The following ASTN2 variants were observed in gnomAD, a reference collection of about 807,000 sequenced individuals.
The protein encoded by ASTN2 is astrotactin-2.
ASTN2 carries 54 observed loss-of-function variants against 139.8 expected under a neutral mutation model. The observed-to-expected ratio is 0.39, with a 90% CI of 0.31 to 0.48. The LOEUF is 0.48. Among genes scored for constraint, ASTN2 ranks in the 20% least tolerant of loss-of-function variants. The probability of loss-of-function intolerance (pLI) is 0.95; values close to 1 mark genes in which losing one functional copy is unlikely to be tolerated. For synonymous variants in ASTN2, 756 were observed against 719.5 expected, an observed-to-expected ratio of 1.05 and a Z score of -0.81; for missense variants, 1,565 against 1,725.1, an observed-to-expected ratio of 0.91 and a Z score of 1.64.
At position 117,263,631 on chromosome 9, in the gene ASTN2, G is replaced by A. The variant is rs543947952; in HGVS notation, c.630+27695C>T. ...CCTTGGGAGATACTCGGGAATTGAA[G>A]TAGTGATCCTCATCAAGATCCTCAA... On this transcript the variant is annotated intron_variant, in intron 2 of 22. Transcript: ENST00000313400. 3.3e-4 allele frequency among the ~76,000 whole-genome samples: 51 copies of A among 152,312 alleles called. No homozygotes were observed. In the South Asian group the frequency reaches 7.0e-3, roughly 21 times the overall value.
At chr9:116,460,210 A>T (rs555286710) in intron 20 of ASTN2, among the ~76,000 whole-genome samples, 1 of 152,128 alleles carries the variant, frequency 6.6e-6, no homozygotes, top group African/African-American at 2.4e-5. Context: ...AAATTCCTAG[A>T]GATAAAAAGT....
In ASTN2 at chr9:116,694,661, C is replaced by A. The variant is rs1197448773; in HGVS notation, c.2806+31110G>T. Among the ~76,000 whole-genome samples, 12 of 145,870 alleles carry A rather than the reference C, an allele frequency of 8.2e-5. No individual in the cohort carries two copies. In the Admixed American group the frequency reaches 8.3e-4, roughly 10 times the overall value. On this transcript the variant is annotated intron_variant, in intron 16 of 22. Coordinates refer to ENST00000313400, the MANE Select transcript of ASTN2 (RefSeq NM_001365068.1). ...TTTTTTTTTGTATTTTTAGTAGAGA[C>A]GGAGTTTCACCGTCTTAGCCAGGAT...
At chr9:116,858,540 T>C (rs993498438) in intron 11 of ASTN2, among the ~76,000 whole-genome samples, 7 of 152,234 alleles carry the variant, frequency 4.6e-5, no homozygotes, top group African/African-American at 1.7e-4. Flanking sequence ...TCTATCTTGA[T>C]TAAAATTTTG....
At chr9:116,983,112 T>C (rs1244961176) in intron 7 of ASTN2, among the ~76,000 whole-genome samples, 1 of 152,230 alleles carries the variant, frequency 6.6e-6, no homozygotes, top group Non-Finnish European at 1.5e-5. Flanking sequence ...TGCTGCCTGC[T>C]GTTCACTTTC....
chr9:116,495,496 C>G (rs965095573), intron 19 of ASTN2, among the ~76,000 whole-genome samples: 13 of 152,168 alleles, frequency 8.5e-5, no homozygotes, highest in Admixed American at 2.0e-4. Flanking sequence ...TTATTTGAAG[C>G]CCTGGACCCA....
intron 4 of ASTN2, among the ~76,000 whole-genome samples, chr9:117,123,892 T>C (rs1303720928): frequency 6.6e-6 from 1 of 152,226 alleles, no homozygotes; most frequent in Non-Finnish European, 1.5e-5. Context: ...GCAGCCATAT[T>C]CTTTCCTCTC....
At position 116,424,863 on chromosome 9, in the gene ASTN2, AC is replaced by A. The variant is rs1230407550; in HGVS notation, c.*987del. Among the ~76,000 whole-genome samples, 12 of 152,150 alleles carry A rather than the reference AC, an allele frequency of 7.9e-5. No individual in the cohort carries two copies. The highest frequency in any genetic ancestry group is 2.9e-4 in the African/African-American group (12 of 41,452). ...CCTGGCCTCCCAAAGTGCTAGGATTACAGGCATGAGCCACTGTGCCTGGCAA... is the reference window on the plus strand; with the variant it reads ...CCTGGCCTCCCAAAGTGCTAGGATTAAGGCATGAGCCACTGTGCCTGGCAA... On this transcript the variant is annotated 3_prime_UTR_variant, in exon 23 of 23. Transcript: ENST00000313400.
At chr9:117,205,405 TA>T (rs1384834258) in intron 3 of ASTN2, among the ~76,000 whole-genome samples, 1 of 152,124 alleles carries the variant, frequency 6.6e-6, no homozygotes, top group Non-Finnish European at 1.5e-5. Context: ...ATCCTCCCAT[TA>T]ACCCTTCAAG....
chr9:117,107,034 C>CT (rs1014143266), intron 4 of ASTN2, among the ~76,000 whole-genome samples: 21 of 152,046 alleles, frequency 1.4e-4, no homozygotes, highest in Non-Finnish European at 1.0e-4. Flanking sequence ...TTCTTCTTAT[C>CT]TTTTTTCCTT....
intron 19 of ASTN2, among the ~76,000 whole-genome samples, chr9:116,505,624 G>A (rs956980324): frequency 2.0e-5 from 3 of 152,194 alleles, no homozygotes; most frequent in African/African-American, 4.8e-5. Context: ...TCTCCTTAAT[G>A]TATAAAATGT....
intron 10 of ASTN2, among the ~76,000 whole-genome samples, chr9:116,914,893 A>C (rs912716603): frequency 5.3e-5 from 8 of 152,164 alleles, no homozygotes; most frequent in Non-Finnish European, 1.2e-4. Context: ...AGAAGCAATC[A>C]CCAGCTCAAA....
In ASTN2 at chr9:116,487,469, G is replaced by C. The variant is rs1200039580; in HGVS notation, c.3387C>G (p.Leu1129=). 1 of 1,613,974 alleles carries C rather than the reference G, an allele frequency of 6.2e-7. No individual in the cohort carries two copies. The highest frequency in any genetic ancestry group is 8.5e-7 in the Non-Finnish European group (1 of 1,179,962). The change falls in exon 20 of 23, where the codon CTC becomes CTG. Residue 1129 remains leucine (L), a synonymous_variant. Transcript: ENST00000313400. ...CTACACAAGATGTGCCCAGGCCAGA[G>C]AGTAAGTCATCAGCAAAACTCAGGA... ...GEFLSFADDL[L]SGLGTSCVAA...
Position 116,699,611 on chromosome 9 carries a change from C to A in ASTN2, c.2806+26160G>T. 6.2e-7 allele frequency: 1 copy of A among 1,614,104 alleles called. No individual in the cohort carries two copies. Among genetic ancestry groups the A allele is most frequent in the South Asian group, 1.1e-5 (1 of 91,072 alleles). On this transcript the variant is annotated intron_variant, in intron 16 of 22. Transcript: ENST00000313400. This position sits in a 1 kb window ranked among gnomAD's most constrained non-coding sequence, Gnocchi z 4.2. ...GACTTACCTGTCCGGTGGGCATAGC[C>A]CTAACTCCTAAGGGGCAGCTGCTGG...
chr9:117,327,779 C>T (rs1828566249), intron 1 of ASTN2, among the ~76,000 whole-genome samples: 1 of 152,166 alleles, frequency 6.6e-6, no homozygotes, highest in Admixed American at 6.6e-5. Context: ...CAACAAGCAT[C>T]ATGTTACAAG....
At chr9:116,769,535 A>G (rs1829901670) in intron 13 of ASTN2, among the ~76,000 whole-genome samples, 1 of 152,156 alleles carries the variant, frequency 6.6e-6, no homozygotes, top group Non-Finnish European at 1.5e-5. Flanking sequence ...AGAACAGGAG[A>G]GAGGAAGATA....
At chr9:116,527,102 T>C (rs756111663) in intron 19 of ASTN2, among the ~76,000 whole-genome samples, 19 of 152,210 alleles carry the variant, frequency 1.2e-4, no homozygotes, top group Non-Finnish European at 2.6e-4. Flanking sequence ...AAGAAAACAG[T>C]GGAAAAGTTC....
At chr9:116,513,580 T>C (rs1239596110) in intron 19 of ASTN2, among the ~76,000 whole-genome samples, 7 of 152,360 alleles carry the variant, frequency 4.6e-5, no homozygotes, top group Admixed American at 2.0e-4. Context: ...TTCTGGATAT[T>C]ATCCTGCAGA....
rs555217187 is a variant in ASTN2, at chr9:116,699,452, G to A, written c.2806+26319C>T. The A allele has an allele frequency of 1.4e-4, 218 of 1,614,180 alleles. No individual in the cohort carries two copies. Among genetic ancestry groups the A allele is most frequent in the Non-Finnish European group, 1.7e-4 (204 of 1,180,036 alleles). On this transcript the variant is annotated intron_variant, in intron 16 of 22. Transcript: ENST00000313400. This position sits in a 1 kb window ranked among gnomAD's most constrained non-coding sequence, Gnocchi z 4.2. The stretch of plus-strand genomic sequence containing the variant: ...GTCGCCAGATTAGCCACTTCTTCTC[G>A]GAGAATGAGGATTTCCGCTGCATTG...
chr9:116,985,835 C>G (rs1836662431), intron 7 of ASTN2, among the ~76,000 whole-genome samples: 2 of 152,118 alleles, frequency 1.3e-5, no homozygotes, highest in South Asian at 4.1e-4. Context: ...CACGCCAGAG[C>G]CCTGCAACCT....
Sources: allele counts gnomAD v4.1 joint callset (sites outside exome capture counted in the v4.1 genomes callset), GRCh38; gene constraint gnomAD v4.1.1; non-coding constraint Gnocchi (gnomAD v3.1); transcripts MANE v1.5; gene names NCBI Gene and HGNC (gene_info 2026-07-23, HGNC 2026-07-21).